PARP14: variants seen among roughly 807,000 people sequenced by gnomAD.
The protein encoded by PARP14 is protein mono-ADP-ribosyltransferase PARP14.
PARP14 carries 59 observed loss-of-function variants against 154.2 expected under a neutral mutation model. The observed-to-expected ratio is 0.38, with a 90% CI of 0.31 to 0.48. The LOEUF is 0.48. Ranked by LOEUF, PARP14 falls within the 20% of genes least tolerant of loss-of-function variation. The pLI, the probability that PARP14 is intolerant of heterozygous loss-of-function variation, is 0.98. For missense variants in PARP14, 1,734 were observed against 2,131.6 expected, an observed-to-expected ratio of 0.81 and a Z score of 3.67; for synonymous variants, 720 against 780.5, an observed-to-expected ratio of 0.92 and a Z score of 1.29.
In PARP14 at chr3:122,718,104, A is replaced by C. The variant is rs1227491997; in HGVS notation, c.4034A>C (p.Glu1345Ala). The C allele has an allele frequency of 6.2e-7, 1 of 1,613,802 alleles. No individual in the cohort carries two copies. Among genetic ancestry groups the C allele is most frequent in the Non-Finnish European group, 8.5e-7 (1 of 1,179,842 alleles). The change falls in exon 13 of 17, where the codon GAA becomes GCA. Residue 1345 changes from glutamate to alanine, a missense_variant. Transcript: ENST00000474629. ...NAKQHPDKVA[E>A]AIIDAIEDFV... ...AAACAACACCCAGATAAGGTTGCTG[A>C]AGCCATAATTGATGCCATTGAAGAC...
intron 1 of PARP14, among the ~76,000 whole-genome samples, chr3:122,684,646 A>G (rs1030576417): frequency 6.6e-6 from 1 of 150,486 alleles, no homozygotes; most frequent in Non-Finnish European, 1.5e-5. Context: ...CTTCTTTTAT[A>G]CTCCTTTTAC....
chr3:122,707,178 G>A (rs747793956), intron 8 of PARP14, among the ~76,000 whole-genome samples: 1 of 151,952 alleles, frequency 6.6e-6, no homozygotes, highest in African/African-American at 2.4e-5. Flanking sequence ...CAGCACCTTG[G>A]GCAGCCAAGG....
rs1381044873 is a variant in PARP14, at chr3:122,699,616, G to A, written c.1062G>A (p.Glu354=). The A allele has an allele frequency of 1.2e-6, 2 of 1,613,994 alleles. No homozygotes were observed. The highest frequency in any genetic ancestry group is 4.5e-5 in the East Asian group (2 of 44,886). ...INDEMRRCHC[E]LTWSQLSGKV... ...ATGAAATGAGGCGTTGTCACTGTGA[G>A]CTCACGTGGTCCCAACTCAGTGGTA... The change falls in exon 6 of 17, where the codon GAG becomes GAA. Residue 354 remains glutamate (E), a synonymous_variant. Transcript: ENST00000474629.
rs1215066182 is a variant in PARP14 at position 122,700,974 on chromosome 3, AGC to A, written c.2421_2422del (p.Gln808GlyfsTer2). ...GCCCCTGGCGTTGTGCTGATTGTGC[AGC>A]AGGGTGACTTGGCACGGCTTCCTGT... On this transcript the variant is annotated frameshift_variant, in exon 6 of 17. Coordinates refer to ENST00000474629, the MANE Select transcript of PARP14 (RefSeq NM_017554.3). LOFTEE classifies it high-confidence loss of function. 1 of 1,613,874 alleles carries A rather than the reference AGC, an allele frequency of 6.2e-7. No individual in the cohort carries two copies. The highest frequency in any genetic ancestry group is 8.5e-7 in the Non-Finnish European group (1 of 1,179,882).
In PARP14 at chr3:122,708,367, A is replaced by C. The variant is rs6796286; in HGVS notation, c.3619+99A>C. 2.3e-4 allele frequency: 150 copies of C among 660,190 alleles called. No homozygotes were observed. In the African/African-American group the frequency reaches 2.4e-3, roughly 11 times the overall value. The allele number at this position is 660,190 out of a possible 1,614,324, so 40.9% of individuals were successfully genotyped here. ...TAGTGATAATTTTTATGAAAAAAAA[A>C]TCAATGAGTGACAAATGATACTAAG... On this transcript the variant is annotated intron_variant, in intron 9 of 16. Coordinates refer to ENST00000474629, the MANE Select transcript of PARP14 (RefSeq NM_017554.3).
rs771989754 is a variant in PARP14, at chr3:122,699,533, G to T, written c.979G>T (p.Asp327Tyr). ...KLPAPFEESL[D>Y]LPLWKFLQKK... ...TCCAGCACCATTTGAAGAGTCACTA[G>T]ATCTTCCCTTATGGAAGTTCTTACA... Residue 327 changes from aspartate (D) to tyrosine (Y), a missense_variant, in exon 6 of 17, where the codon GAT (aspartate) becomes TAT (tyrosine). Coordinates refer to ENST00000474629, the MANE Select transcript of PARP14 (RefSeq NM_017554.3). The T allele has an allele frequency of 1.2e-6, 2 of 1,613,982 alleles. No individual in the cohort carries two copies. The highest frequency in any genetic ancestry group is 2.2e-5 in the South Asian group (2 of 91,084).
intron 3 of PARP14, among the ~76,000 whole-genome samples, chr3:122,687,441 G>C (rs1938407725): frequency 6.6e-6 from 1 of 152,230 alleles, no homozygotes; most frequent in Non-Finnish European, 1.5e-5. Context: ...AGAGAAGCAA[G>C]GACACGATAT....
intron 12 of PARP14, among the ~76,000 whole-genome samples, chr3:122,715,614 CT>C (rs1438385690): frequency 2.3e-5 from 3 of 127,706 alleles, no homozygotes; most frequent in Non-Finnish European, 5.7e-5. Flanking sequence ...ATCTATCTAT[CT>C]ATCTATCTAT....
intron 12 of PARP14, among the ~76,000 whole-genome samples, 178 bp downstream of exon 12, chr3:122,714,607 T>A (rs1233756128): frequency 2.0e-5 from 3 of 152,152 alleles, no homozygotes; most frequent in African/African-American, 4.8e-5. Context: ...GCCTGTGGAT[T>A]GTTTGAGTAA....
chr3:122,705,872 G>A (rs182161245), intron 8 of PARP14, among the ~76,000 whole-genome samples: 16 of 152,292 alleles, frequency 1.1e-4, no homozygotes, highest in South Asian at 2.1e-4. Flanking sequence ...TACTTGTCCC[G>A]TATAATTAGT....
chr3:122,703,763 G>T lies in PARP14; in HGVS notation c.3103G>T (p.Val1035Phe), dbSNP rs550029652. Residue 1035 changes from valine to phenylalanine, a missense_variant, in exon 7 of 17, where the codon GTT (valine) becomes TTT (phenylalanine). This residue lies in a region of PARP14 where 1,646 missense variants were observed against 1,976.0 expected (regional missense o/e 0.83). Transcript: ENST00000474629. ...TAAGACCGATGTTGTTGTCAACTCC[G>T]TTCCCTTGGATCTCGTGCTTAGTAG... ...NAKTDVVVNSVPLDLVLSRGP... is the reference protein window; with the variant it reads ...NAKTDVVVNSFPLDLVLSRGP... 6.2e-7 allele frequency: 1 copy of T among 1,606,054 alleles called. No individual in the cohort carries two copies. The highest frequency in any genetic ancestry group is 8.5e-7 in the Non-Finnish European group (1 of 1,175,778).
intron 1 of PARP14, among the ~76,000 whole-genome samples, chr3:122,684,052 A>G (rs1235499723): frequency 6.6e-6 from 1 of 152,084 alleles, no homozygotes; most frequent in Non-Finnish European, 1.5e-5. Flanking sequence ...TCTGAGGCCT[A>G]TTTCTGAGTT....
At chr3:122,690,397 T>G (rs1938501022) in intron 3 of PARP14, among the ~76,000 whole-genome samples, 1 of 152,248 alleles carries the variant, frequency 6.6e-6, no homozygotes, top group Non-Finnish European at 1.5e-5. Flanking sequence ...AAGCTATTTT[T>G]TTTTTAATTT....
chr3:122,685,661 C>T (rs1272161), intron 2 of PARP14, among the ~76,000 whole-genome samples: 54,091 of 151,822 alleles, frequency 0.36, 11,694 homozygotes, highest in African/African-American at 0.58. Flanking sequence ...AGGCATATGC[C>T]ACTATGCCCA....
At chr3:122,704,798 T>G in intron 8 of PARP14, 50 bp downstream of exon 8, 1 of 1,002,980 alleles carries the variant, frequency 1.0e-6, no homozygotes. Context: ...ACCTAGTGTT[T>G]TTTCAAATGT....
rs1232546415 is a variant in PARP14, at chr3:122,701,925, TCTC to T, written c.3081+291_3081+293del. Among the ~76,000 whole-genome samples the T allele has an allele frequency of 6.6e-6, 1 of 152,222 alleles. No homozygotes were observed. The highest frequency in any genetic ancestry group is 1.5e-5 in the Non-Finnish European group (1 of 68,042). On this transcript the variant is annotated intron_variant, in intron 6 of 16. Coordinates refer to ENST00000474629, the MANE Select transcript of PARP14 (RefSeq NM_017554.3). This position sits in a 1 kb window ranked among gnomAD's most constrained non-coding sequence, Gnocchi z 4.0. ...CCATAATATCACACGTTTAGACAGT[TCTC>T]TATACCTTACACCTGCCGTGTTTTG...
At chr3:122,724,148 A>G (rs934775269) in intron 15 of PARP14, among the ~76,000 whole-genome samples, 2 of 152,082 alleles carry the variant, frequency 1.3e-5, no homozygotes, top group African/African-American at 4.8e-5. Flanking sequence ...GGAATCAGAC[A>G]TTTTTCTAAG....
At chr3:122,698,003 A>G (rs1938834075) in intron 5 of PARP14, among the ~76,000 whole-genome samples, 1 of 152,168 alleles carries the variant, frequency 6.6e-6, no homozygotes, top group African/African-American at 2.4e-5. Context: ...TGGGGTTCAC[A>G]TTACTGGTTA....
intron 5 of PARP14, among the ~76,000 whole-genome samples, chr3:122,698,846 A>G (rs1229572812): frequency 2.0e-5 from 3 of 152,330 alleles, no homozygotes; most frequent in Non-Finnish European, 4.4e-5. Context: ...TACAAGAAGA[A>G]CAAATAGCAT....
Sources: gnomAD v4.1 joint callset for allele counts (sites outside exome capture counted in the v4.1 genomes callset) on GRCh38, gnomAD v4.1.1 for gene constraint, gnomAD v4.1.1 regional missense constraint, Gnocchi (gnomAD v3.1) non-coding constraint, MANE v1.5 for transcripts, NCBI Gene and HGNC (gene_info 2026-07-23, HGNC 2026-07-21) for gene names.